The following PXT1 variants were observed in gnomAD, a reference collection of about 807,000 sequenced individuals.
PXT1 encodes the protein peroxisomal testis-specific protein 1.
A neutral mutation model predicts 11.0 loss-of-function variants in PXT1; 11 were observed. The observed-to-expected ratio is 1.00, with a 90% confidence interval of 0.63 to 1.66. The LOEUF (loss-of-function observed/expected upper bound fraction) is 1.66, where lower values mean the gene tolerates loss of function less well. PXT1 is among the 40% of genes most tolerant of loss of function. The pLI is 0.00. For missense variants in PXT1, 141 were observed against 155.5 expected, an observed-to-expected ratio of 0.91 and a Z score of 0.49; for synonymous variants, 43 against 51.4, an observed-to-expected ratio of 0.84 and a Z score of 0.70.
chr6:36,440,856 C>T (rs1206085492), intron 1 of PXT1, among the ~76,000 whole-genome samples: 1 of 152,006 alleles, frequency 6.6e-6, no homozygotes, highest in Non-Finnish European at 1.5e-5. Context: ...TGATGGATAA[C>T]GGGTGTTTAT....
At chr6:36,392,348 G>A (rs62403727) in intron 4 of PXT1, among the ~76,000 whole-genome samples, 5,382 of 152,270 alleles carry the variant, frequency 0.035, 101 homozygotes, top group African/African-American at 0.057. Context: ...TTTCAAAGAG[G>A]TGAGCAAGTT....
At chr6:36,414,406 C>T (rs1181630907) in intron 3 of PXT1, among the ~76,000 whole-genome samples, 1 of 152,070 alleles carries the variant, frequency 6.6e-6, no homozygotes, top group African/African-American at 2.4e-5. Flanking sequence ...TGAGAAAGTC[C>T]AGAAAACAAT....
chr6:36,399,730 G>T (rs1040515441), intron 4 of PXT1, among the ~76,000 whole-genome samples: 2 of 152,136 alleles, frequency 1.3e-5, no homozygotes, highest in Non-Finnish European at 2.9e-5. Context: ...CCAAATACAG[G>T]TTGTTTCGGA....
chr6:36,423,279 T>C (rs988600894), intron 3 of PXT1, among the ~76,000 whole-genome samples: 3 of 152,342 alleles, frequency 2.0e-5, no homozygotes, highest in East Asian at 1.9e-4. Flanking sequence ...TACTTAGGCA[T>C]TTTCTCAGGC....
intron 3 of PXT1, among the ~76,000 whole-genome samples, chr6:36,423,302 A>G (rs540389278): frequency 6.6e-6 from 1 of 152,314 alleles, no homozygotes; most frequent in Admixed American, 6.5e-5. Context: ...CCCGCCAGAG[A>G]GCGCCGCCAG....
chr6:36,428,262 G>A (rs954758151), intron 2 of PXT1, among the ~76,000 whole-genome samples: 3 of 151,968 alleles, frequency 2.0e-5, no homozygotes, highest in African/African-American at 7.3e-5. Flanking sequence ...TGGCTAACAC[G>A]GTGAAACCCT....
At chr6:36,400,693 A>G in intron 3 of PXT1, 109 bp from the exon 4 acceptor site, 2 of 1,192,808 alleles carry the variant, frequency 1.7e-6, no homozygotes, top group South Asian at 2.9e-5. Flanking sequence ...GGTTGGCCAG[A>G]TGCAGTGGCT....
chr6:36,437,391 T>G (rs1332350641), intron 2 of PXT1, among the ~76,000 whole-genome samples: 1 of 152,154 alleles, frequency 6.6e-6, no homozygotes, highest in Non-Finnish European at 1.5e-5. Context: ...ACAAAAAAAT[T>G]GTCCTACATT....
chr6:36,441,112 A>C (rs1425513903), intron 1 of PXT1, among the ~76,000 whole-genome samples: 2 of 123,400 alleles, frequency 1.6e-5, no homozygotes, highest in African/African-American at 2.7e-5. Flanking sequence ...CCACAAAAAG[A>C]AAAAAAAAAA....
chr6:36,398,383 C>T (rs867641176), intron 4 of PXT1, among the ~76,000 whole-genome samples: 4 of 151,920 alleles, frequency 2.6e-5, no homozygotes, highest in Non-Finnish European at 5.9e-5. Context: ...AGGTATGTAC[C>T]CCAAAAAAAT....
intron 2 of PXT1, among the ~76,000 whole-genome samples, chr6:36,426,315 G>A (rs1774605396): frequency 7.0e-6 from 1 of 143,718 alleles, no homozygotes; most frequent in South Asian, 2.2e-4. Flanking sequence ...ACACCGGCCT[G>A]CATCCTTATC....
intron 1 of PXT1, among the ~76,000 whole-genome samples, 154 bp from the exon 2 acceptor site, chr6:36,439,040 G>A (rs1227882419): frequency 6.6e-6 from 1 of 151,170 alleles, no homozygotes; most frequent in Non-Finnish European, 1.5e-5. Context: ...TCTCGGTATC[G>A]CCCAGGTTGG....
At chr6:36,393,720 T>C (rs535587945) in intron 4 of PXT1, among the ~76,000 whole-genome samples, 2 of 121,888 alleles carry the variant, frequency 1.6e-5, no homozygotes, top group South Asian at 2.6e-4. Context: ...AGTGAGACTA[T>C]GCCTCAAAAA....
At chr6:36,436,391 G>A (rs1024964422) in intron 2 of PXT1, among the ~76,000 whole-genome samples, 11 of 152,218 alleles carry the variant, frequency 7.2e-5, no homozygotes, top group African/African-American at 2.7e-4. Context: ...ACTGGAGATG[G>A]AAAGGAGATA....
chr6:36,391,908 T>G (rs1444091504), intron 4 of PXT1, 34 bp from the exon 5 acceptor site: 5 of 1,151,028 alleles, frequency 4.3e-6, no homozygotes, highest in Non-Finnish European at 5.8e-6. Flanking sequence ...GAGAAAGGTT[T>G]TTTTTTTTTT....
Position 36,433,511 on chromosome 6 carries a change from G to A in PXT1, c.-10+5256C>T, listed in dbSNP as rs905203677. Among the ~76,000 whole-genome samples the A allele has an allele frequency of 8.5e-5, 13 of 152,050 alleles. No individual in the cohort carries two copies. The East Asian group carries it at 2.1e-3, about 25-fold the overall frequency. ...ACAAAATGGTAGGCAGATGGGGAAGGGCATTGCTCTACATGAAAAGAGGCT... is the reference window on the plus strand; with the variant it reads ...ACAAAATGGTAGGCAGATGGGGAAGAGCATTGCTCTACATGAAAAGAGGCT... On this transcript the variant is annotated intron_variant, in intron 2 of 4. Transcript: ENST00000454782.
chr6:36,403,272 A>G (rs1021634437), intron 3 of PXT1, among the ~76,000 whole-genome samples: 6 of 152,264 alleles, frequency 3.9e-5, no homozygotes, highest in Non-Finnish European at 8.8e-5. Context: ...AATGTGAGTC[A>G]GGATTTAAAC....
intron 4 of PXT1, among the ~76,000 whole-genome samples, chr6:36,393,273 T>C (rs1774096050): frequency 6.6e-6 from 1 of 152,048 alleles, no homozygotes; most frequent in African/African-American, 2.4e-5. Context: ...GCCCTGACCA[T>C]ATCTTTTATG....
intron 4 of PXT1, 44 bp from the exon 5 acceptor site, chr6:36,391,918 TTTAA>T: frequency 2.8e-6 from 3 of 1,075,656 alleles, no homozygotes; most frequent in Non-Finnish European, 4.0e-6. Flanking sequence ...TTTTTTTTTT[TTTAA>T]AAGTGATAGA....
Sources: gnomAD v4.1 joint callset for allele counts (sites outside exome capture counted in the v4.1 genomes callset) on GRCh38, gnomAD v4.1.1 for gene constraint, MANE v1.5 for transcripts, NCBI Gene and HGNC (gene_info 2026-07-23, HGNC 2026-07-21) for gene names.